The following PTPRN2 variants were observed in gnomAD, a reference collection of about 807,000 sequenced individuals.
The protein encoded by PTPRN2 is protein tyrosine phosphatase receptor type N2.
A neutral mutation model predicts 118.8 loss-of-function variants in PTPRN2; 74 were observed. The ratio of observed to expected loss-of-function variants is 0.62; its 90% CI spans 0.52 to 0.76. The LOEUF (loss-of-function observed/expected upper bound fraction) is 0.76. Ranked by LOEUF, PTPRN2 falls within the 30% of genes least tolerant of loss-of-function variation. The pLI is 0.00. For missense variants in PTPRN2, 1,481 were observed against 1,394.4 expected (o/e 1.06, Z -0.99); for synonymous variants, 641 against 608.0 (o/e 1.05, Z -0.80).
chr7:157,681,370 T>A (rs1796909212), intron 13 of PTPRN2, among the ~76,000 whole-genome samples: 1 of 152,198 alleles, frequency 6.6e-6, no homozygotes, highest in South Asian at 2.1e-4. Flanking sequence ...TTATGTGACA[T>A]TTTTTTCAGG....
intron 11 of PTPRN2, among the ~76,000 whole-genome samples, chr7:157,943,707 C>T (rs1321605331): frequency 2.0e-5 from 3 of 151,800 alleles, no homozygotes; most frequent in Non-Finnish European, 4.4e-5. Flanking sequence ...AGAGGCCAAG[C>T]GCTCCCTACC....
chr7:158,215,611 G>C (rs971411888), intron 3 of PTPRN2, among the ~76,000 whole-genome samples: 1 of 152,092 alleles, frequency 6.6e-6, no homozygotes, highest in Non-Finnish European at 1.5e-5. Context: ...AATCTTAACA[G>C]CAGCCAGAGA....
At chr7:158,519,821 C>G (rs1823851751) in intron 1 of PTPRN2, among the ~76,000 whole-genome samples, 1 of 152,176 alleles carries the variant, frequency 6.6e-6, no homozygotes, top group African/African-American at 2.4e-5. Context: ...CAATGCCTCC[C>G]CCATGGCATG....
intron 15 of PTPRN2, among the ~76,000 whole-genome samples, chr7:157,613,488 A>G (rs1056157125): frequency 3.9e-5 from 6 of 152,110 alleles, no homozygotes. Flanking sequence ...GCCTCAATCG[A>G]CAGAACGTGT....
chr7:157,950,892 G>A (rs1161323407), intron 11 of PTPRN2, among the ~76,000 whole-genome samples: 1 of 152,198 alleles, frequency 6.6e-6, no homozygotes. Context: ...TATGGTGATG[G>A]CGGGTGGCCA....
intron 12 of PTPRN2, among the ~76,000 whole-genome samples, chr7:157,733,149 C>G (rs562681501): frequency 2.3e-5 from 1 of 44,366 alleles, no homozygotes; most frequent in Non-Finnish European, 4.4e-5. Context: ...TACTCTTTCC[C>G]GTCCCAGGCG....
chr7:158,347,116 T>A (rs936828664), intron 2 of PTPRN2, among the ~76,000 whole-genome samples: 1 of 152,024 alleles, frequency 6.6e-6, no homozygotes, highest in African/African-American at 2.4e-5. Context: ...ATAATCCCAT[T>A]TGTTTATTTT....
chr7:158,446,822 C>G (rs1207913390), intron 2 of PTPRN2, among the ~76,000 whole-genome samples: 1 of 152,240 alleles, frequency 6.6e-6, no homozygotes, highest in Non-Finnish European at 1.5e-5. Flanking sequence ...CACACAGCCA[C>G]CTGTCCAGGG....
chr7:157,909,395 G>T (rs1197405618), intron 11 of PTPRN2, among the ~76,000 whole-genome samples: 1 of 152,180 alleles, frequency 6.6e-6, no homozygotes, highest in Admixed American at 6.5e-5. Flanking sequence ...CTGGGGGGGG[G>T]AGGATGCTGG....
At chr7:158,127,303 GTGCACCCTGCGTCCTCCTCTGCT>G (rs1817774085) in intron 9 of PTPRN2, among the ~76,000 whole-genome samples, 1 of 150,934 alleles carries the variant, frequency 6.6e-6, no homozygotes, top group Non-Finnish European at 1.5e-5. Context: ...CCTCCTCTGC[GTGCACCCTGCGTCCTCCTCTGCT>G]TGCGCCCTGC....
chr7:158,072,406 A>G (rs1385521531), intron 11 of PTPRN2, among the ~76,000 whole-genome samples: 1 of 152,122 alleles, frequency 6.6e-6, no homozygotes, highest in African/African-American at 2.4e-5. Flanking sequence ...GCTGGGAGGA[A>G]AAGTGCAAAG....
At chr7:158,336,372 C>T (rs1333874282) in intron 2 of PTPRN2, among the ~76,000 whole-genome samples, 3 of 87,224 alleles carry the variant, frequency 3.4e-5, no homozygotes, top group Admixed American at 1.2e-4. Context: ...ACCATAAGAG[C>T]TGACACATGC....
At chr7:158,493,977 T>A (rs1042788693) in intron 1 of PTPRN2, among the ~76,000 whole-genome samples, 1 of 152,264 alleles carries the variant, frequency 6.6e-6, no homozygotes, top group Non-Finnish European at 1.5e-5. Flanking sequence ...CCCTACTGTG[T>A]CCTCAGAACT....
At chr7:158,501,987 T>C (rs1176628336) in intron 1 of PTPRN2, among the ~76,000 whole-genome samples, 1 of 152,130 alleles carries the variant, frequency 6.6e-6, no homozygotes, top group Non-Finnish European at 1.5e-5. Flanking sequence ...GTGTCAGCAC[T>C]GAACACAAAG....
chr7:158,316,509 C>A (rs1212272973), intron 3 of PTPRN2, among the ~76,000 whole-genome samples: 1 of 152,218 alleles, frequency 6.6e-6, no homozygotes, highest in Admixed American at 6.5e-5. Flanking sequence ...CTGCACTGGA[C>A]CCAGCCAGGC....
intron 11 of PTPRN2, among the ~76,000 whole-genome samples, chr7:157,970,807 C>G (rs1802280444): frequency 2.0e-5 from 3 of 152,142 alleles, no homozygotes; most frequent in African/African-American, 7.2e-5. Context: ...TCTCGTGTTT[C>G]CTACCCTAAT....
chr7:158,181,706 C>A lies in PTPRN2; in HGVS notation c.549+10621G>T, dbSNP rs531468047. Among the ~76,000 whole-genome samples, 16 of 152,160 alleles carry A rather than the reference C, an allele frequency of 1.1e-4. No individual in the cohort carries two copies. In the East Asian group the frequency reaches 1.7e-3, roughly 17 times the overall value. ...CAGGAATATATTCGTGTATTCATTT[C>A]TTCTAGATTTTCTAGTTTGTATGCA... On this transcript the variant is annotated intron_variant, in intron 5 of 22. Transcript: ENST00000389418.
intron 5 of PTPRN2, among the ~76,000 whole-genome samples, chr7:158,171,671 A>G (rs1350653445): frequency 1.3e-5 from 2 of 152,070 alleles, no homozygotes; most frequent in African/African-American, 2.4e-5. Context: ...TATTCTTTAA[A>G]GCAGTCAGGA....
At chr7:158,401,416 CAG>C (rs1333125752) in intron 2 of PTPRN2, among the ~76,000 whole-genome samples, 1 of 152,216 alleles carries the variant, frequency 6.6e-6, no homozygotes, top group Non-Finnish European at 1.5e-5. Context: ...AGCATGGAGG[CAG>C]AGAGACCTGG....
Sources: gnomAD v4.1 joint callset for allele counts (sites outside exome capture counted in the v4.1 genomes callset) on GRCh38, gnomAD v4.1.1 for gene constraint, MANE v1.5 for transcripts, NCBI Gene and HGNC (gene_info 2026-07-23, HGNC 2026-07-21) for gene names.